Variants in ADARB2 observed in about 807,000 individuals in gnomAD.
ADARB2 encodes adenosine deaminase RNA specific B2 (inactive).
A neutral mutation model predicts 62.2 loss-of-function variants in ADARB2; 25 were observed. That is an observed-to-expected ratio of 0.40 (90% CI 0.29 to 0.56). The LOEUF (loss-of-function observed/expected upper bound fraction) is 0.56. Among genes scored for constraint, ADARB2 ranks in the 20% least tolerant of loss-of-function variants. The probability of loss-of-function intolerance (pLI) is 0.43; values close to 1 mark genes in which losing one functional copy is unlikely to be tolerated. For missense variants in ADARB2, 1,071 were observed against 1,077.4 expected, an observed-to-expected ratio of 0.99 and a Z score of 0.08; for synonymous variants, 572 against 500.8, an observed-to-expected ratio of 1.14 and a Z score of -1.90.
intron 3 of ADARB2, among the ~76,000 whole-genome samples, chr10:1,346,286 G>A (rs892394361): frequency 6.6e-6 from 1 of 152,194 alleles, no homozygotes; most frequent in African/African-American, 2.4e-5. Context: ...CCAGAATGTG[G>A]CAGTGAAGGA....
chr10:1,484,442 G>T (rs528103228), intron 1 of ADARB2, among the ~76,000 whole-genome samples: 1 of 152,262 alleles, frequency 6.6e-6, no homozygotes, highest in Non-Finnish European at 1.5e-5. Context: ...CAGAGCTAGA[G>T]CCCTGTCCAC....
chr10:1,468,735 G>A (rs925348998), intron 1 of ADARB2, among the ~76,000 whole-genome samples: 4 of 152,178 alleles, frequency 2.6e-5, no homozygotes, highest in African/African-American at 7.2e-5. Context: ...TCAGACCCCC[G>A]GCTACCTTTC....
At chr10:1,679,166 G>A (rs1251495400) in intron 1 of ADARB2, among the ~76,000 whole-genome samples, 1 of 152,190 alleles carries the variant, frequency 6.6e-6, no homozygotes, top group Non-Finnish European at 1.5e-5. Context: ...GCTGTGGAGA[G>A]AGAAAAGGCA....
At chr10:1,590,536 T>C (rs1833237691) in intron 1 of ADARB2, among the ~76,000 whole-genome samples, 1 of 152,204 alleles carries the variant, frequency 6.6e-6, no homozygotes, top group African/African-American at 2.4e-5. Flanking sequence ...TGGTTCCTCA[T>C]GGAGGCAGCA....
At chr10:1,268,062 A>G (rs1049879514) in intron 4 of ADARB2, among the ~76,000 whole-genome samples, 16 of 152,234 alleles carry the variant, frequency 1.1e-4, no homozygotes, top group Admixed American at 1.0e-3. Flanking sequence ...ACCACACCCA[A>G]ATTTGATGCA....
At chr10:1,396,598 C>T (rs976567427) in intron 1 of ADARB2, among the ~76,000 whole-genome samples, 5 of 151,692 alleles carry the variant, frequency 3.3e-5, no homozygotes, top group African/African-American at 1.2e-4. Flanking sequence ...TGCAGGCTTC[C>T]TGGGTCACCG....
chr10:1,409,265 C>T (rs950224059), intron 1 of ADARB2, among the ~76,000 whole-genome samples: 1 of 112,590 alleles, frequency 8.9e-6, no homozygotes, highest in African/African-American at 2.8e-5. Flanking sequence ...TTCGTCGCCC[C>T]GCCCTGCCTG....
chr10:1,183,426 TA>T, intron 9 of ADARB2, 57 bp from the exon 10 acceptor site: 1 of 1,584,930 alleles, frequency 6.3e-7, no homozygotes, highest in Non-Finnish European at 8.6e-7. Flanking sequence ...GAGCTTCTGC[TA>T]GGTGAGTTTT....
At chr10:1,275,665 A>G (rs1386080394) in intron 3 of ADARB2, among the ~76,000 whole-genome samples, 1 of 37,830 alleles carries the variant, frequency 2.6e-5, no homozygotes, top group Non-Finnish European at 4.8e-5. Flanking sequence ...CCCTCCCCCC[A>G]CCCCACAACA....
At chr10:1,529,786 T>C (rs1832200355) in intron 1 of ADARB2, among the ~76,000 whole-genome samples, 1 of 152,070 alleles carries the variant, frequency 6.6e-6, no homozygotes. Context: ...GAGGGCAGAG[T>C]TCAGGGGCAC....
intron 1 of ADARB2, among the ~76,000 whole-genome samples, chr10:1,476,381 G>A (rs1831401350): frequency 6.6e-6 from 1 of 152,212 alleles, no homozygotes; most frequent in Non-Finnish European, 1.5e-5. Flanking sequence ...GGCTGAGTGG[G>A]AAGAAGGCCA....
At chr10:1,405,255 T>C (rs1832697803) in intron 1 of ADARB2, among the ~76,000 whole-genome samples, 1 of 152,198 alleles carries the variant, frequency 6.6e-6, no homozygotes, top group Non-Finnish European at 1.5e-5. Flanking sequence ...AAGCATTCAT[T>C]GATTTAGACA....
chr10:1,710,967 C>G (rs1588362056), intron 1 of ADARB2, among the ~76,000 whole-genome samples: 1 of 152,174 alleles, frequency 6.6e-6, no homozygotes, highest in Non-Finnish European at 1.5e-5. Context: ...TTTGGCCCAA[C>G]CCCCTGTGCT....
At chr10:1,198,810 A>T (rs1836944179) in intron 8 of ADARB2, among the ~76,000 whole-genome samples, 2 of 152,222 alleles carry the variant, frequency 1.3e-5, no homozygotes, top group East Asian at 3.9e-4. Flanking sequence ...TGGACACATG[A>T]TTGAAAATCA....
intron 3 of ADARB2, among the ~76,000 whole-genome samples, chr10:1,283,293 G>T (rs1589177151): frequency 6.6e-6 from 1 of 152,306 alleles, no homozygotes; most frequent in South Asian, 2.1e-4. Flanking sequence ...TTCTAGCTAA[G>T]GTCATTGAAA....
chr10:1,248,472 C>A (rs192202635), intron 4 of ADARB2, among the ~76,000 whole-genome samples: 1 of 152,258 alleles, frequency 6.6e-6, no homozygotes, highest in African/African-American at 2.4e-5. Context: ...TGCGACGTGT[C>A]AGTCATGAGC....
intron 3 of ADARB2, among the ~76,000 whole-genome samples, chr10:1,306,623 C>T (rs1299966353): frequency 7.2e-6 from 1 of 139,014 alleles, no homozygotes; most frequent in Non-Finnish European, 1.6e-5. Context: ...GCCAAAAGAA[C>T]AAAGCTGGAG....
intron 1 of ADARB2, among the ~76,000 whole-genome samples, chr10:1,491,772 G>T (rs946318142): frequency 2.0e-5 from 3 of 152,150 alleles, no homozygotes; most frequent in Non-Finnish European, 4.4e-5. Flanking sequence ...CAGAAAAAAA[G>T]AAAAAGAAAT....
intron 1 of ADARB2, among the ~76,000 whole-genome samples, chr10:1,466,143 G>T (rs1036278911): frequency 6.6e-6 from 1 of 152,222 alleles, no homozygotes; most frequent in Admixed American, 6.5e-5. Flanking sequence ...CCACAACTCT[G>T]CCCTTGTTCT....
Sources: allele counts gnomAD v4.1 joint callset (sites outside exome capture counted in the v4.1 genomes callset), GRCh38; gene constraint gnomAD v4.1.1; transcripts MANE v1.5; gene names NCBI Gene and HGNC (gene_info 2026-07-23, HGNC 2026-07-21).